GK5: variants seen among roughly 807,000 people sequenced by gnomAD.
GK5 encodes glycerol kinase 5, also known as ATP:glycerol 3-phosphotransferase 5.
In GK5, 39 loss-of-function variants were observed where a neutral mutation model predicts 77.3. That is an observed-to-expected ratio of 0.50 (90% CI 0.39 to 0.66). The LOEUF (loss-of-function observed/expected upper bound fraction) is 0.66, where lower values mean the gene tolerates loss of function less well. GK5 is among the 30% of genes least tolerant of loss of function. The pLI, the probability that GK5 is intolerant of heterozygous loss-of-function variation, is 0.00. For synonymous variants in GK5, 211 were observed against 208.0 expected (o/e 1.01, Z -0.13); for missense variants, 487 against 633.8 (o/e 0.77, Z 2.49).
At chr3:142,219,403 T>A (rs1212405502) in intron 1 of GK5, among the ~76,000 whole-genome samples, 2 of 152,072 alleles carry the variant, frequency 1.3e-5, no homozygotes, top group African/African-American at 4.8e-5. Context: ...TAAAAAAGAA[T>A]AAACAAGTGA....
At chr3:142,165,879 T>C in intron 15 of GK5, 109 bp from the exon 16 acceptor site, 1 of 657,748 alleles carries the variant, frequency 1.5e-6, no homozygotes, top group South Asian at 2.5e-5. Flanking sequence ...AAAACTATTT[T>C]TAAAACAATC....
chr3:142,159,853 C>CTTTTTTTTTTTTTTTTTTTTTTTTTTT lies in GK5; in HGVS notation c.*5768_*5769insAAAAAAAAAAAAAAAAAAAAAAAAAAA, dbSNP rs748129972. 11 of 106,122 alleles carry CTTTTTTTTTTTTTTTTTTTTTTTTTTT rather than the reference C, an allele frequency of 1.0e-4. No homozygotes were observed. Among genetic ancestry groups the CTTTTTTTTTTTTTTTTTTTTTTTTTTT allele is most frequent in the Non-Finnish European group, 1.3e-4 (7 of 53,066 alleles). The allele number at this position is 106,122 out of a possible 1,614,324, so 6.6% of individuals were successfully genotyped here. ...TTTCTCTCTCTCTCTCTCTCTCTCTCTTTTTTTTTTTTGAGACAGAGTCTC... is the reference window on the plus strand; with the variant it reads ...TTTCTCTCTCTCTCTCTCTCTCTCTCTTTTTTTTTTTTTTTTTTTTTTTTTTTTTTTTTTTTTTTGAGACAGAGTCTC... On this transcript the variant is annotated 3_prime_UTR_variant, in exon 16 of 16. Coordinates refer to ENST00000392993, the MANE Select transcript of GK5 (RefSeq NM_001039547.3).
chr3:142,168,360 A>T (rs1235990674), intron 15 of GK5, among the ~76,000 whole-genome samples: 1 of 152,210 alleles, frequency 6.6e-6, no homozygotes, highest in Non-Finnish European at 1.5e-5. Context: ...GATTAAGGGA[A>T]AGTTTATTTT....
At chr3:142,180,147 A>T (rs1185756056) in intron 11 of GK5, among the ~76,000 whole-genome samples, 1 of 152,088 alleles carries the variant, frequency 6.6e-6, no homozygotes, top group Non-Finnish European at 1.5e-5. Context: ...ATGGGGGGAA[A>T]TCCCTGTTGC....
intron 4 of GK5, among the ~76,000 whole-genome samples, chr3:142,202,611 A>AAAATT (rs2064043399): frequency 6.6e-6 from 1 of 152,224 alleles, no homozygotes; most frequent in Non-Finnish European, 1.5e-5. Context: ...AGTAGACAAA[A>AAAATT]GTGCTTTAAA....
chr3:142,200,098 T>TACACAC (rs202073717), intron 4 of GK5, among the ~76,000 whole-genome samples: 4,964 of 148,854 alleles, frequency 0.033, 260 homozygotes, highest in African/African-American at 0.11. Flanking sequence ...TATATATATA[T>TACACAC]ACACACACAC....
intron 1 of GK5, among the ~76,000 whole-genome samples, chr3:142,220,554 C>T (rs1357545208): frequency 6.6e-6 from 1 of 152,106 alleles, no homozygotes; most frequent in Admixed American, 6.5e-5. Flanking sequence ...ACCTTGGCTC[C>T]CATTTCACTC....
Position 142,165,625 on chromosome 3 carries a change from T to C in GK5, c.1587A>G (p.Thr529=), listed in dbSNP as rs1577101211. The change falls in exon 16 of 16, where the codon ACA becomes ACG. Residue 529 remains threonine (T), a synonymous_variant. Coordinates refer to ENST00000392993, the MANE Select transcript of GK5 (RefSeq NM_001039547.3). ...VKRSMNWYNK[T] is the part of the protein sequence containing the mutation. Reference sequence around the variant, plus strand: ...GTTTTGATCATTTCATTTAGTGTTATGTCTTGTTATACCAATTCATGGAGC... The same window carrying C: ...GTTTTGATCATTTCATTTAGTGTTACGTCTTGTTATACCAATTCATGGAGC... 1 of 1,607,902 alleles carries C rather than the reference T, an allele frequency of 6.2e-7. No individual in the cohort carries two copies. The highest frequency in any genetic ancestry group is 8.5e-7 in the Non-Finnish European group (1 of 1,178,070).
Position 142,181,517 on chromosome 3 carries a change from A to C in GK5, c.992T>G (p.Leu331Ter). 6.2e-7 allele frequency: 1 copy of C among 1,613,800 alleles called. No homozygotes were observed. Among genetic ancestry groups the C allele is most frequent in the South Asian group, 1.1e-5 (1 of 90,962 alleles). Reference sequence around the variant, plus strand: ...AGTGTCTCCTGCATTGCTTTCAGCTAAGCATACGACTTCTTGCCCAATCTT... The same window carrying C: ...AGTGTCTCCTGCATTGCTTTCAGCTCAGCATACGACTTCTTGCCCAATCTT... ...GWKIGQEVVC[L>*]AESNAGDTGT... Residue 331 changes from leucine (L) to a stop codon, truncating the protein, a stop_gained, in exon 11 of 16, where the codon TTA (leucine) becomes TGA (stop). Transcript: ENST00000392993. LOFTEE classifies it high-confidence loss of function.
At chr3:142,182,839 G>T in intron 10 of GK5, 84 bp downstream of exon 10, 1 of 881,862 alleles carries the variant, frequency 1.1e-6, no homozygotes, top group Non-Finnish European at 1.7e-6. Context: ...TCACAAAATG[G>T]GAAAATAGTA....
chr3:142,216,918 T>C (rs2064282849), intron 1 of GK5, among the ~76,000 whole-genome samples: 2 of 152,172 alleles, frequency 1.3e-5, no homozygotes, highest in African/African-American at 4.8e-5. Context: ...AAGACTGAAT[T>C]TGTAGCCTGA....
At position 142,165,490 on chromosome 3, in the gene GK5, T is replaced by C. The variant is rs983352049; in HGVS notation, c.*132A>G. 4.0e-5 allele frequency: 25 copies of C among 623,254 alleles called. No homozygotes were observed. The highest frequency in any genetic ancestry group is 5.4e-4 in the Middle Eastern group (2 of 3,678). 38.6% of individuals were successfully genotyped at this position (623,254 alleles called of 1,614,324 possible). A position where few individuals can be genotyped will look rare whatever the true frequency, so the allele number is the denominator to read the frequency against. On this transcript the variant is annotated 3_prime_UTR_variant, in exon 16 of 16. Transcript: ENST00000392993. The stretch of plus-strand genomic sequence containing the variant: ...TTCCGTTTTGTTTTTTTAAAAGCAA[T>C]GCTTCTTAAGTTATGAAGCTTATTT...
rs983131263 is a variant in GK5 at position 142,192,121 on chromosome 3, A to C, written c.544-4342T>G. Among the ~76,000 whole-genome samples, 6 of 152,240 alleles carry C rather than the reference A, an allele frequency of 3.9e-5. No individual in the cohort carries two copies. In the South Asian group the frequency reaches 8.3e-4, roughly 21 times the overall value. On this transcript the variant is annotated intron_variant, in intron 5 of 15. Coordinates refer to ENST00000392993, the MANE Select transcript of GK5 (RefSeq NM_001039547.3). Reference sequence around the variant, plus strand: ...GTATCACAAGGCATTAGGGAACTGCAAACAATGAATATTACTACACACCTA... The same window carrying C: ...GTATCACAAGGCATTAGGGAACTGCCAACAATGAATATTACTACACACCTA...
chr3:142,196,712 G>C (rs2063938697), intron 5 of GK5, among the ~76,000 whole-genome samples: 1 of 152,100 alleles, frequency 6.6e-6, no homozygotes, highest in Admixed American at 6.5e-5. Context: ...AATTTATTGA[G>C]GCTTGTAGTA....
intron 12 of GK5, among the ~76,000 whole-genome samples, chr3:142,175,456 T>C (rs895902940): frequency 1.3e-5 from 2 of 152,194 alleles, no homozygotes; most frequent in Admixed American, 6.5e-5. Flanking sequence ...TGTAAAAATA[T>C]TCTAAAACTA....
At chr3:142,213,343 T>C (rs1456960054) in intron 3 of GK5, among the ~76,000 whole-genome samples, 183 bp downstream of exon 3, 1 of 152,138 alleles carries the variant, frequency 6.6e-6, no homozygotes, top group Admixed American at 6.5e-5. Context: ...TTATATAATA[T>C]AAGTCAAGCC....
chr3:142,225,482 A>T lies in GK5; in HGVS notation c.-27T>A. ...CCGATCCCGCACGCCTCTCCGCTAC[A>T]GCCGCCTACCCAGAGGGCGCGCTAC... On this transcript the variant is annotated 5_prime_UTR_variant, in exon 1 of 16. Transcript: ENST00000392993. 1 of 1,596,142 alleles carries T rather than the reference A, an allele frequency of 6.3e-7. No individual in the cohort carries two copies. Among genetic ancestry groups the T allele is most frequent in the Non-Finnish European group, 8.5e-7 (1 of 1,176,910 alleles).
chr3:142,178,289 A>G (rs1264726899), intron 11 of GK5, among the ~76,000 whole-genome samples: 1 of 152,202 alleles, frequency 6.6e-6, no homozygotes, highest in African/African-American at 2.4e-5. Flanking sequence ...TACCTGTAAT[A>G]TAATACCCAA....
chr3:142,180,814 G>C (rs932697580), intron 11 of GK5, among the ~76,000 whole-genome samples: 1 of 152,158 alleles, frequency 6.6e-6, no homozygotes, highest in Admixed American at 6.6e-5. Flanking sequence ...ATTACTGAGA[G>C]AAAGGAGCTC....
Sources: allele counts gnomAD v4.1 joint callset (sites outside exome capture counted in the v4.1 genomes callset), GRCh38; gene constraint gnomAD v4.1.1; transcripts MANE v1.5; gene names NCBI Gene and HGNC (gene_info 2026-07-23, HGNC 2026-07-21).